TCP11: variants seen among roughly 807,000 people sequenced by gnomAD.
TCP11 encodes the protein T-complex protein 11 homolog.
In TCP11, 34 loss-of-function variants were observed where a neutral mutation model predicts 45.0. The observed-to-expected ratio is 0.76, with a 90% CI of 0.57 to 1.01. The LOEUF (loss-of-function observed/expected upper bound fraction) is 1.01, where lower values mean the gene tolerates loss of function less well. Among genes scored for constraint, TCP11 ranks in the 50% least tolerant of loss-of-function variants. The pLI is 0.00. For missense variants in TCP11, 523 were observed against 598.1 expected (o/e 0.87, Z 1.31); for synonymous variants, 227 against 227.0 (o/e 1.00, Z 0.00).
intron 3 of TCP11, among the ~76,000 whole-genome samples, chr6:35,133,226 G>A (rs1780656706): frequency 6.6e-6 from 1 of 151,956 alleles, no homozygotes; most frequent in Non-Finnish European, 1.5e-5. Flanking sequence ...GCCTGGGCTG[G>A]AGTGCAGTAG....
At position 35,141,289 on chromosome 6, in the gene TCP11, G is replaced by T; in HGVS notation, c.-99C>A. 1 of 1,292,732 alleles carries T rather than the reference G, an allele frequency of 7.7e-7. No homozygotes were observed. 80.1% of individuals were successfully genotyped at this position (1,292,732 alleles called of 1,614,324 possible). On this transcript the variant is annotated 5_prime_UTR_variant, in exon 1 of 10. Transcript: ENST00000311875. Reference sequence around the variant, plus strand: ...GCGGCCTGGAGCGTACCACCGCGGCGGAGCGGCGGGTTGGGGCGTCGCACG... The same window carrying T: ...GCGGCCTGGAGCGTACCACCGCGGCTGAGCGGCGGGTTGGGGCGTCGCACG...
Position 35,120,980 on chromosome 6 carries a change from T to G in TCP11, c.644A>C (p.Gln215Pro). The change falls in exon 6 of 10, where the codon CAA (glutamine) becomes CCA (proline). Residue 215 changes from glutamine to proline, a missense_variant. This residue lies in a region of TCP11 where 298 missense variants were observed against 387.9 expected (regional missense o/e 0.77). Coordinates refer to ENST00000311875, the MANE Select transcript of TCP11 (RefSeq NM_001370687.1). This position sits in a 1 kb window ranked among gnomAD's most constrained non-coding sequence, Gnocchi z 4.9. ...DMVNYTIQSLQPHLQEHSIQY... is the reference protein window; with the variant it reads ...DMVNYTIQSLPPHLQEHSIQY... ...AATGGAATGTTCCTGCAGGTGGGGT[T>G]GAAGGCTCTGGATAGTGTAGTTCAC... The G allele has an allele frequency of 6.2e-7, 1 of 1,614,120 alleles. No individual in the cohort carries two copies. Among genetic ancestry groups the G allele is most frequent in the Non-Finnish European group, 8.5e-7 (1 of 1,179,986 alleles).
rs752771922 is a variant in TCP11 at position 35,121,013 on chromosome 6, A to G, written c.611T>C (p.Met204Thr). The G allele has an allele frequency of 1.2e-6, 2 of 1,611,618 alleles. No homozygotes were observed. The highest frequency in any genetic ancestry group is 1.7e-5 in the Admixed American group (1 of 59,948). Residue 204 changes from methionine (M) to threonine (T), a missense_variant, in exon 6 of 10, where the codon ATG (methionine) becomes ACG (threonine). Around this residue, in one of 2 missense-constraint regions of TCP11, gnomAD observed 298 missense variants for 387.9 expected, o/e 0.77. Coordinates refer to ENST00000311875, the MANE Select transcript of TCP11 (RefSeq NM_001370687.1). ...GIFQVLGRMK[M>T]DMVNYTIQSL... ...CTGGATAGTGTAGTTCACCATGTCC[A>G]TTTTCATCCGGCCCAGAACCTGGAA...
At chr6:35,140,330 A>G (rs1781582903) in intron 2 of TCP11, 2 of 834,066 alleles carry the variant, frequency 2.4e-6, no homozygotes, top group Admixed American at 2.3e-5. Context: ...AACACCCACT[A>G]CAGAACCGAG....
At chr6:35,129,245 C>T (rs1038781322) in intron 3 of TCP11, 63 bp from the exon 4 acceptor site, 3 of 1,544,946 alleles carry the variant, frequency 1.9e-6, no homozygotes, top group African/African-American at 2.8e-5. Flanking sequence ...GTGTCATAAC[C>T]TCCTAAACCC....
In TCP11 at chr6:35,120,077, C is replaced by G; in HGVS notation, c.1115+82G>C. 1.3e-6 allele frequency: 2 copies of G among 1,513,278 alleles called. No individual in the cohort carries two copies. Among genetic ancestry groups the G allele is most frequent in the Non-Finnish European group, 8.9e-7 (1 of 1,119,132 alleles). 93.7% of individuals were successfully genotyped at this position (1,513,278 alleles called of 1,614,324 possible). A position where few individuals can be genotyped will look rare whatever the true frequency, so the allele number is the denominator to read the frequency against. ...GGGCCTTTCTGTGGTTTGTGGTAGA[C>G]AGTAAGCAATCGTTCATTACCTGCC... On this transcript the variant is annotated intron_variant, in intron 8 of 9. Transcript: ENST00000311875. The surrounding 1 kb of genome is among the most constrained non-coding windows in gnomAD (Gnocchi z 4.9).
intron 3 of TCP11, among the ~76,000 whole-genome samples, chr6:35,133,397 A>G (rs1780682862): frequency 6.6e-6 from 1 of 152,048 alleles, no homozygotes; most frequent in East Asian, 1.9e-4. Context: ...TGCCCAGGTT[A>G]GTCTTGAACT....
At chr6:35,136,076 A>G (rs368866548) in intron 3 of TCP11, 31 bp downstream of exon 3, 3 of 1,575,228 alleles carry the variant, frequency 1.9e-6, no homozygotes, top group Non-Finnish European at 2.6e-6. Context: ...AGCCAGGATG[A>G]GCAACATGAA....
chr6:35,140,756 G>T lies in TCP11; in HGVS notation c.115C>A (p.Pro39Thr), dbSNP rs779675502. 4.7e-5 allele frequency: 72 copies of T among 1,527,594 alleles called. No homozygotes were observed. The highest frequency in any genetic ancestry group is 6.1e-5 in the Non-Finnish European group (70 of 1,142,300). 94.6% of individuals were successfully genotyped at this position (1,527,594 alleles called of 1,614,324 possible). A position where few individuals can be genotyped will look rare whatever the true frequency, so the allele number is the denominator to read the frequency against. The change falls in exon 2 of 10, where the codon CCC (proline) becomes ACC (threonine). Residue 39 changes from proline (P) to threonine (T), a missense_variant. This residue lies in a region of TCP11 where 225 missense variants were observed against 210.2 expected (regional missense o/e 1.07). Coordinates refer to ENST00000311875, the MANE Select transcript of TCP11 (RefSeq NM_001370687.1). ...GCCGAGCTGGACCTACAGGGAGGGG[G>T]GTCCTCGGAGCCGCTCTTGTCTTCC... ...PQEDKSGSED[P>T]PPFLSVTGLT...
In TCP11 at chr6:35,137,390, G is replaced by T. The variant is rs368452869; in HGVS notation, c.125-1172C>A. 1.2e-4 allele frequency among the ~76,000 whole-genome samples: 17 copies of T among 143,614 alleles called. 1 individual carries two copies. In the South Asian group the frequency reaches 3.6e-3, roughly 31 times the overall value. The allele number at this position is 143,614 out of a possible 152,430, so 94.2% of individuals were successfully genotyped here. A position where few individuals can be genotyped will look rare whatever the true frequency, so the allele number is the denominator to read the frequency against. On this transcript the variant is annotated intron_variant, in intron 2 of 9. Transcript: ENST00000311875. The stretch of plus-strand genomic sequence containing the variant: ...TTTTGTTTTGCCTAGTATGGACAGT[G>T]AAACAAGCAAATAAAAATCATCTAC...
chr6:35,140,118 A>AT, intron 2 of TCP11: 1 of 1,613,408 alleles, frequency 6.2e-7, no homozygotes, highest in Non-Finnish European at 8.5e-7. Context: ...AACCAATCTA[A>AT]TTCAGCCGCA....
chr6:35,128,120 G>T (rs1780029600), intron 4 of TCP11, among the ~76,000 whole-genome samples: 1 of 152,172 alleles, frequency 6.6e-6, no homozygotes, highest in Non-Finnish European at 1.5e-5. Flanking sequence ...CAGTTTAGCT[G>T]GGTCCTCTGT....
intron 8 of TCP11, among the ~76,000 whole-genome samples, chr6:35,119,724 A>T (rs766847975): frequency 6.6e-6 from 1 of 152,092 alleles, no homozygotes; most frequent in Non-Finnish European, 1.5e-5. Context: ...CTTTATTTTT[A>T]TATATATATG....
chr6:35,126,654 T>C (rs986434284), intron 4 of TCP11, among the ~76,000 whole-genome samples: 2 of 137,498 alleles, frequency 1.5e-5, no homozygotes, highest in African/African-American at 2.8e-5. Flanking sequence ...CAAAGACTTT[T>C]TTTTTTTTTT....
chr6:35,119,205 T>C (rs1224672380), intron 9 of TCP11, 23 bp downstream of exon 9: 3 of 1,612,604 alleles, frequency 1.9e-6, no homozygotes, highest in Non-Finnish European at 8.5e-7. Context: ...TCACCATTCT[T>C]ACTACCCCAC....
At chr6:35,127,492 G>A (rs764905914) in intron 4 of TCP11, among the ~76,000 whole-genome samples, 1 of 152,210 alleles carries the variant, frequency 6.6e-6, no homozygotes, top group South Asian at 2.1e-4. Flanking sequence ...TGAATGAATC[G>A]TGGAAGAAGG....
chr6:35,128,231 T>C (rs1780037325), intron 4 of TCP11: 1 of 152,220 alleles, frequency 6.6e-6, no homozygotes, highest in South Asian at 2.1e-4. Context: ...TTCAGATTGT[T>C]GGCAGAATTC....
At position 35,128,912 on chromosome 6, in the gene TCP11, T is replaced by A. The variant is rs192661127; in HGVS notation, c.357+150A>T. 1,469 of 988,658 alleles carry A rather than the reference T, an allele frequency of 1.5e-3. 1 individual carries two copies. Among genetic ancestry groups the A allele is most frequent in the Non-Finnish European group, 2.0e-3 (1,388 of 698,294 alleles). The allele number at this position is 988,658 out of a possible 1,614,324, so 61.2% of individuals were successfully genotyped here. ...TTATAATAATTTTTATATTAAACCC[T>A]CCCTGCTAAAATTACTGTATGATTT... is the stretch of plus-strand genomic sequence containing the variant. On this transcript the variant is annotated intron_variant, in intron 4 of 9. Transcript: ENST00000311875.
intron 4 of TCP11, 59 bp from the exon 5 acceptor site, chr6:35,122,396 T>C (rs1170899411): frequency 6.7e-7 from 1 of 1,499,364 alleles, no homozygotes; most frequent in Non-Finnish European, 9.2e-7. Context: ...CTTTATCCAA[T>C]GGGCAATCCC....
Sources: allele counts gnomAD v4.1 joint callset (sites outside exome capture counted in the v4.1 genomes callset), GRCh38; gene constraint gnomAD v4.1.1; regional missense constraint gnomAD v4.1.1; non-coding constraint Gnocchi (gnomAD v3.1); transcripts MANE v1.5; gene names NCBI Gene and HGNC (gene_info 2026-07-23, HGNC 2026-07-21).